Variants in SPIRE1 observed in about 807,000 individuals in gnomAD.
SPIRE1 encodes spire type actin nucleation factor 1, also known as protein spire homolog 1.
In SPIRE1, 40 loss-of-function variants were observed where a neutral mutation model predicts 94.1. The observed-to-expected ratio is 0.43, with a 90% CI of 0.33 to 0.55. The LOEUF (loss-of-function observed/expected upper bound fraction) is 0.55, where lower values mean the gene tolerates loss of function less well. Among genes scored for constraint, SPIRE1 ranks in the 20% least tolerant of loss-of-function variants. SPIRE1 has a pLI of 0.06. For missense variants in SPIRE1, 838 were observed against 975.2 expected (o/e 0.86, Z 1.87); for synonymous variants, 376 against 371.7 (o/e 1.01, Z -0.13).
At chr18:12,539,939 A>AG (rs1374376271) in intron 3 of SPIRE1, among the ~76,000 whole-genome samples, 2 of 151,714 alleles carry the variant, frequency 1.3e-5, no homozygotes, top group Non-Finnish European at 2.9e-5. Context: ...AAAAAAAAAA[A>AG]AAAGAAAAGA....
chr18:12,468,007 G>T (rs921024267), intron 10 of SPIRE1, among the ~76,000 whole-genome samples: 1 of 152,038 alleles, frequency 6.6e-6, no homozygotes, highest in African/African-American at 2.4e-5. Context: ...TGTTACCTTT[G>T]TTAGTGTTAA....
At chr18:12,487,787 A>G (rs999407080) in intron 8 of SPIRE1, among the ~76,000 whole-genome samples, 1 of 152,222 alleles carries the variant, frequency 6.6e-6, no homozygotes, top group Non-Finnish European at 1.5e-5. Flanking sequence ...TGTATACTTT[A>G]AATGAGTGAA....
intron 8 of SPIRE1, among the ~76,000 whole-genome samples, chr18:12,488,492 T>C (rs2033116952): frequency 6.6e-6 from 1 of 152,136 alleles, no homozygotes; most frequent in African/African-American, 2.4e-5. Context: ...AGACAGCCTC[T>C]AGACTTCTAA....
chr18:12,616,932 T>C (rs1437715978), intron 2 of SPIRE1, among the ~76,000 whole-genome samples: 2 of 152,022 alleles, frequency 1.3e-5, no homozygotes, highest in Non-Finnish European at 2.9e-5. Flanking sequence ...CAATCTCGGC[T>C]CACTGCAGTC....
intron 6 of SPIRE1, among the ~76,000 whole-genome samples, chr18:12,505,834 T>C (rs2033815375): frequency 6.6e-6 from 1 of 152,154 alleles, no homozygotes; most frequent in African/African-American, 2.4e-5. Context: ...ATTGAATATA[T>C]AATGACATGG....
intron 4 of SPIRE1, among the ~76,000 whole-genome samples, chr18:12,530,710 A>G (rs2034656671): frequency 6.6e-6 from 1 of 152,200 alleles, no homozygotes; most frequent in South Asian, 2.1e-4. Flanking sequence ...TGATTCACCA[A>G]TAAAGGGGCT....
chr18:12,566,953 A>G (rs1224505083), intron 2 of SPIRE1, among the ~76,000 whole-genome samples: 1 of 152,230 alleles, frequency 6.6e-6, no homozygotes, highest in Non-Finnish European at 1.5e-5. Context: ...GTAGAATACT[A>G]GCAAATTGAA....
rs377600978 is a variant in SPIRE1, at chr18:12,481,720, A to G, written c.1232-1849T>C. 9.9e-5 allele frequency among the ~76,000 whole-genome samples: 15 copies of G among 152,186 alleles called. No homozygotes were observed. In the East Asian group the frequency reaches 1.3e-3, roughly 14 times the overall value. ...TAAATAATTGGTGATGGTGGTGGGG[A>G]GCACTGAAAGGGACAAAAGGCAAAA... On this transcript the variant is annotated intron_variant, in intron 9 of 16. Transcript: ENST00000409402.
At chr18:12,504,831 AAAAGT>A (rs1328190506) in intron 6 of SPIRE1, among the ~76,000 whole-genome samples, 1 of 152,204 alleles carries the variant, frequency 6.6e-6, no homozygotes, top group East Asian at 1.9e-4. Flanking sequence ...CACAGGCCTG[AAAAGT>A]AAAGAGGCAA....
chr18:12,495,234 A>T (rs1399047684), intron 7 of SPIRE1, among the ~76,000 whole-genome samples: 65 of 152,232 alleles, frequency 4.3e-4, no homozygotes, highest in Non-Finnish European at 4.4e-5. Context: ...CCGGGTAAAA[A>T]AGAAATAAGG....
chr18:12,482,063 T>C (rs965092778), intron 9 of SPIRE1, among the ~76,000 whole-genome samples: 2 of 152,124 alleles, frequency 1.3e-5, no homozygotes, highest in African/African-American at 4.8e-5. Flanking sequence ...GCCCCACATT[T>C]CCAATCGACA....
rs1253286468 is a variant in SPIRE1 at position 12,657,729 on chromosome 18, CA to C, written c.137del (p.Leu46ArgfsTer96). ...CGTTGATGGGCTGGTTGTACAGCCG[CA>C]GGATCTCCTCCAGGCTCAGCGCGTC... ...SRDALSLEEI[L>X]RLYNQPINEE... On this transcript the variant is annotated frameshift_variant, in exon 1 of 17. Transcript: ENST00000409402. LOFTEE classifies it high-confidence loss of function. 9 of 1,403,752 alleles carry C rather than the reference CA, an allele frequency of 6.4e-6. No homozygotes were observed. The highest frequency in any genetic ancestry group is 8.4e-6 in the Non-Finnish European group (9 of 1,070,760). The allele number at this position is 1,403,752 out of a possible 1,614,324, so 87.0% of individuals were successfully genotyped here.
intron 2 of SPIRE1, among the ~76,000 whole-genome samples, chr18:12,625,483 A>G (rs1226459228): frequency 6.6e-6 from 1 of 152,172 alleles, no homozygotes; most frequent in East Asian, 1.9e-4. Context: ...CCATTTACAA[A>G]CCCATAAAGC....
intron 3 of SPIRE1, among the ~76,000 whole-genome samples, chr18:12,540,409 CTT>C (rs1041785956): frequency 6.6e-6 from 1 of 152,086 alleles, no homozygotes; most frequent in African/African-American, 2.4e-5. Context: ...GGGTTTCACT[CTT>C]GTTGCCCAGA....
At chr18:12,527,962 A>G (rs2034573443) in intron 4 of SPIRE1, among the ~76,000 whole-genome samples, 1 of 151,580 alleles carries the variant, frequency 6.6e-6, no homozygotes, top group Non-Finnish European at 1.5e-5. Flanking sequence ...GCTACTAGAG[A>G]GGCTGAGGCA....
At chr18:12,655,821 C>T (rs1238378312) in intron 1 of SPIRE1, among the ~76,000 whole-genome samples, 2 of 152,180 alleles carry the variant, frequency 1.3e-5, no homozygotes, top group African/African-American at 4.8e-5. Flanking sequence ...CGGAAATCAC[C>T]ACTACCAACG....
intron 10 of SPIRE1, among the ~76,000 whole-genome samples, chr18:12,477,899 T>G (rs538714931): frequency 2.6e-5 from 4 of 152,090 alleles, no homozygotes; most frequent in African/African-American, 4.8e-5. Context: ...AGGCGTGTGA[T>G]CAGGGGATGC....
intron 5 of SPIRE1, among the ~76,000 whole-genome samples, chr18:12,508,690 T>C (rs2033920892): frequency 1.3e-5 from 2 of 151,912 alleles, no homozygotes; most frequent in Admixed American, 6.6e-5. Context: ...TTTTTTTTTT[T>C]GAGACGGAGT....
chr18:12,564,364 G>A (rs1408146031), intron 2 of SPIRE1, among the ~76,000 whole-genome samples: 2 of 152,116 alleles, frequency 1.3e-5, no homozygotes, highest in Admixed American at 6.6e-5. Flanking sequence ...CCCTAACTAT[G>A]AGTCAAACTC....
Sources: gnomAD v4.1 joint callset for allele counts (sites outside exome capture counted in the v4.1 genomes callset) on GRCh38, gnomAD v4.1.1 for gene constraint, MANE v1.5 for transcripts, NCBI Gene and HGNC (gene_info 2026-07-23, HGNC 2026-07-21) for gene names.